Variants in GALNT17 observed in about 807,000 individuals in gnomAD.
The protein encoded by GALNT17 is UDP-GalNAc:polypeptide N-acetylgalactosaminyltransferase-like 3.
GALNT17 carries 29 observed loss-of-function variants against 63.7 expected under a neutral mutation model. That is an observed-to-expected ratio of 0.46 (90% confidence interval 0.34 to 0.62). GALNT17 has a LOEUF of 0.62. Ranked by LOEUF, GALNT17 falls within the 20% of genes least tolerant of loss-of-function variation. The probability of loss-of-function intolerance (pLI) is 0.01; values close to 1 mark genes in which losing one functional copy is unlikely to be tolerated. For synonymous variants in GALNT17, 305 were observed against 318.3 expected, an observed-to-expected ratio of 0.96 and a Z score of 0.45; for missense variants, 603 against 799.6, an observed-to-expected ratio of 0.75 and a Z score of 2.97.
At chr7:71,420,361 AT>A (rs1786639241) in intron 4 of GALNT17, among the ~76,000 whole-genome samples, 1 of 152,126 alleles carries the variant, frequency 6.6e-6, no homozygotes, top group African/African-American at 2.4e-5. Context: ...AATCAATTAA[AT>A]CATCAATTAA....
chr7:71,325,698 G>C (rs1791693386), intron 1 of GALNT17, among the ~76,000 whole-genome samples: 1 of 152,116 alleles, frequency 6.6e-6, no homozygotes, highest in East Asian at 1.9e-4. Context: ...CTTAACCACA[G>C]ACATCGGCAG....
chr7:71,165,686 A>C (rs1190560519), intron 1 of GALNT17, among the ~76,000 whole-genome samples: 1 of 152,142 alleles, frequency 6.6e-6, no homozygotes, highest in Non-Finnish European at 1.5e-5. Flanking sequence ...GTCAAGATAC[A>C]TGTTTTCGTT....
intron 5 of GALNT17, among the ~76,000 whole-genome samples, chr7:71,494,840 C>T (rs977822364): frequency 6.6e-6 from 1 of 152,214 alleles, no homozygotes; most frequent in Non-Finnish European, 1.5e-5. Context: ...TCTTACATGG[C>T]AGCAGGCAGG....
intron 5 of GALNT17, among the ~76,000 whole-genome samples, chr7:71,564,524 G>T (rs1372606195): frequency 6.6e-6 from 1 of 151,956 alleles, no homozygotes. Context: ...GACCTGAAGT[G>T]ATCTGCCCAC....
At position 71,164,322 on chromosome 7, in the gene GALNT17, C is replaced by A. The variant is rs529526115; in HGVS notation, c.238+31282C>A. Among the ~76,000 whole-genome samples the A allele has an allele frequency of 2.0e-5, 3 of 152,294 alleles. No homozygotes were observed. In the East Asian group the frequency reaches 5.8e-4, roughly 29 times the overall value. ...TGAAGGGGAAGCAAGGCACGTCTTA[C>A]ATGGAAGCAGGAGACAGAGAGAAGC... is the stretch of plus-strand genomic sequence containing the variant. On this transcript the variant is annotated intron_variant, in intron 1 of 10. Coordinates refer to ENST00000333538, the MANE Select transcript of GALNT17 (RefSeq NM_022479.3).
At chr7:71,522,964 G>T (rs189990330) in intron 5 of GALNT17, among the ~76,000 whole-genome samples, 1 of 152,114 alleles carries the variant, frequency 6.6e-6, no homozygotes, top group Admixed American at 6.5e-5. Flanking sequence ...CCAGGATGTC[G>T]GGAGGTGGAG....
chr7:71,571,551 C>T (rs1157475318), intron 6 of GALNT17, 149 bp downstream of exon 6: 2 of 676,498 alleles, frequency 3.0e-6, no homozygotes, highest in Non-Finnish European at 2.6e-6. Context: ...GCATGAGCTG[C>T]ACTGTCACCC....
At chr7:71,586,278 C>G (rs1399239137) in intron 6 of GALNT17, among the ~76,000 whole-genome samples, 1 of 152,160 alleles carries the variant, frequency 6.6e-6, no homozygotes, top group South Asian at 2.1e-4. Flanking sequence ...ATCTTATAGT[C>G]TCTATTGTAT....
intron 1 of GALNT17, among the ~76,000 whole-genome samples, chr7:71,250,589 G>A (rs747320533): frequency 6.6e-6 from 1 of 152,148 alleles, no homozygotes; most frequent in Non-Finnish European, 1.5e-5. Flanking sequence ...TTCAGTCAAA[G>A]CATCCATTCC....
chr7:71,536,841 C>A (rs372692267), intron 5 of GALNT17, among the ~76,000 whole-genome samples: 1 of 152,288 alleles, frequency 6.6e-6, no homozygotes, highest in South Asian at 2.1e-4. Flanking sequence ...GGCAAATGCC[C>A]GGCAAGATCT....
chr7:71,662,871 A>G (rs1367008160), intron 6 of GALNT17, among the ~76,000 whole-genome samples: 1 of 152,206 alleles, frequency 6.6e-6, no homozygotes, highest in Non-Finnish European at 1.5e-5. Flanking sequence ...TCGTTGATCC[A>G]TTTTGAGTTA....
chr7:71,553,195 T>C (rs1345419995), intron 5 of GALNT17, among the ~76,000 whole-genome samples: 2 of 151,994 alleles, frequency 1.3e-5, no homozygotes, highest in Admixed American at 1.3e-4. Context: ...AGTGTAGTGG[T>C]ATGTGCCTGT....
At chr7:71,587,796 G>A (rs957276493) in intron 6 of GALNT17, among the ~76,000 whole-genome samples, 1 of 152,024 alleles carries the variant, frequency 6.6e-6, no homozygotes, top group African/African-American at 2.4e-5. Context: ...AAAATGAATA[G>A]CCAAGCCACA....
intron 1 of GALNT17, among the ~76,000 whole-genome samples, chr7:71,298,989 G>A (rs1006806989): frequency 1.3e-5 from 2 of 152,156 alleles, no homozygotes; most frequent in Admixed American, 6.6e-5. Flanking sequence ...ACTGACAGGT[G>A]TTAAGTCACC....
At chr7:71,407,366 C>A (rs1305506489) in intron 3 of GALNT17, among the ~76,000 whole-genome samples, 2 of 152,164 alleles carry the variant, frequency 1.3e-5, no homozygotes, top group African/African-American at 4.8e-5. Flanking sequence ...AGCAAGCCTG[C>A]AGTCCATCAA....
intron 5 of GALNT17, among the ~76,000 whole-genome samples, chr7:71,445,797 G>A (rs1787151340): frequency 6.6e-6 from 1 of 152,058 alleles, no homozygotes; most frequent in Non-Finnish European, 1.5e-5. Context: ...GGGAAGCTGG[G>A]CTTTCCCCTG....
chr7:71,205,152 C>CTTTTT (rs759200277), intron 1 of GALNT17, among the ~76,000 whole-genome samples: 3 of 115,032 alleles, frequency 2.6e-5, no homozygotes, highest in African/African-American at 3.6e-5. Context: ...TTACTTTTTA[C>CTTTTT]TTTTTTTTTT....
In GALNT17 at chr7:71,677,193, T is replaced by C; in HGVS notation, c.1405-18T>C. The stretch of plus-strand genomic sequence containing the variant: ...ACTAGCTGAGCTCTCATGGGTCGTG[T>C]TTTGTCTATTCTTGCAGCTTCGCAA... On this transcript the variant is annotated intron_variant, in intron 8 of 10. Transcript: ENST00000333538. 1 of 1,613,448 alleles carries C rather than the reference T, an allele frequency of 6.2e-7. No homozygotes were observed. Among genetic ancestry groups the C allele is most frequent in the Non-Finnish European group, 8.5e-7 (1 of 1,179,590 alleles).
intron 5 of GALNT17, among the ~76,000 whole-genome samples, chr7:71,449,112 T>TTTTTC (rs1554373988): frequency 8.5e-6 from 1 of 117,360 alleles, no homozygotes; most frequent in African/African-American, 3.4e-5. Flanking sequence ...TATTTTCTTT[T>TTTTTC]TTTTTTTTTT....
Sources: allele counts gnomAD v4.1 joint callset (sites outside exome capture counted in the v4.1 genomes callset), GRCh38; gene constraint gnomAD v4.1.1; transcripts MANE v1.5; gene names NCBI Gene and HGNC (gene_info 2026-07-23, HGNC 2026-07-21).